DOCK8: variants seen among roughly 807,000 people sequenced by gnomAD.
DOCK8 encodes dedicator of cytokinesis protein 8.
DOCK8 carries 141 observed loss-of-function variants against 245.6 expected under a neutral mutation model. That is an observed-to-expected ratio of 0.57 (90% CI 0.50 to 0.66). The LOEUF (loss-of-function observed/expected upper bound fraction) is 0.66. Among genes scored for constraint, DOCK8 ranks in the 30% least tolerant of loss-of-function variants. DOCK8 has a pLI of 0.00. For missense variants in DOCK8, 2,965 were observed against 2,603.4 expected, an observed-to-expected ratio of 1.14 and a Z score of -3.02; for synonymous variants, 1,168 against 970.2, an observed-to-expected ratio of 1.20 and a Z score of -3.79.
chr9:310,488 C>T (rs552091819), intron 5 of DOCK8, among the ~76,000 whole-genome samples: 31 of 152,288 alleles, frequency 2.0e-4, no homozygotes, highest in East Asian at 9.7e-4. Flanking sequence ...GACGGAGTCT[C>T]GCTCTTGTTG....
At chr9:306,694 G>C (rs1390802009) in intron 5 of DOCK8, among the ~76,000 whole-genome samples, 2 of 152,172 alleles carry the variant, frequency 1.3e-5, no homozygotes, top group South Asian at 2.1e-4. Flanking sequence ...CTGTCTGCTG[G>C]AATTTCTGAT....
intron 21 of DOCK8, among the ~76,000 whole-genome samples, chr9:382,255 G>T (rs562716472): frequency 2.0e-5 from 3 of 152,304 alleles, no homozygotes; most frequent in East Asian, 1.9e-4. Context: ...ACTGGAGCCA[G>T]TAGTACCCCC....
In DOCK8 at chr9:420,465, G is replaced by T; in HGVS notation, c.3905G>T (p.Trp1302Leu). ...CGCAACCTCATGATCTGCTTCCTCTGGATCATGAAAAATGCTGATCAGAGC... is the reference window on the plus strand; with the variant it reads ...CGCAACCTCATGATCTGCTTCCTCTTGATCATGAAAAATGCTGATCAGAGC... ...TTRNLMICFL[W>L]IMKNADQSLI... The change falls in exon 31 of 48, where the codon TGG (tryptophan) becomes TTG (leucine). Residue 1302 changes from tryptophan to leucine, a missense_variant. Physicochemically the swap from Trp to Leu is moderately conservative, Grantham distance 61. Transcript: ENST00000432829. 1 of 1,614,118 alleles carries T rather than the reference G, an allele frequency of 6.2e-7. No homozygotes were observed. Among genetic ancestry groups the T allele is most frequent in the Non-Finnish European group, 8.5e-7 (1 of 1,180,030 alleles).
intron 46 of DOCK8, among the ~76,000 whole-genome samples, chr9:463,112 C>T (rs963221265): frequency 1.2e-4 from 19 of 152,054 alleles, no homozygotes; most frequent in African/African-American, 4.6e-4. Flanking sequence ...CATTTCTGGG[C>T]CAGAAGCAAT....
At chr9:312,812 A>G (rs1336061078) in intron 6 of DOCK8, 1 of 303,372 alleles carries the variant, frequency 3.3e-6, no homozygotes, top group Non-Finnish European at 6.3e-6. Context: ...TGTCTGTTTG[A>G]ACTCCTTATA....
At chr9:317,450 C>G (rs752385043) in intron 7 of DOCK8, among the ~76,000 whole-genome samples, 1 of 152,164 alleles carries the variant, frequency 6.6e-6, no homozygotes, top group Non-Finnish European at 1.5e-5. Context: ...GTCGACTGTA[C>G]TAACTCGTGA....
At chr9:377,304 A>C in intron 20 of DOCK8, 93 bp downstream of exon 20, 1 of 1,258,116 alleles carries the variant, frequency 7.9e-7, no homozygotes, top group Non-Finnish European at 1.1e-6. Flanking sequence ...TCCAGAGACA[A>C]TGTGATCTTC....
At chr9:345,938 C>T (rs1431804190) in intron 14 of DOCK8, among the ~76,000 whole-genome samples, 2 of 151,940 alleles carry the variant, frequency 1.3e-5, no homozygotes, top group African/African-American at 4.8e-5. Context: ...AAAATAAATC[C>T]TTGCTCTAAC....
At chr9:271,935 T>C (rs971189956) in intron 2 of DOCK8, among the ~76,000 whole-genome samples, 4 of 152,174 alleles carry the variant, frequency 2.6e-5, no homozygotes, top group Non-Finnish European at 5.9e-5. Context: ...ATAGAACCTC[T>C]GGGAGCTGTG....
intron 40 of DOCK8, among the ~76,000 whole-genome samples, chr9:440,133 C>G (rs2057046258): frequency 6.6e-6 from 1 of 152,164 alleles, no homozygotes; most frequent in Admixed American, 6.5e-5. Context: ...ACTCTCCTGC[C>G]TCAGCCTCAT....
At chr9:339,724 C>T (rs2051488573) in intron 13 of DOCK8, among the ~76,000 whole-genome samples, 1 of 152,156 alleles carries the variant, frequency 6.6e-6, no homozygotes, top group African/African-American at 2.4e-5. Flanking sequence ...CCATGTTGGC[C>T]AGGATTGTCT....
intron 10 of DOCK8, among the ~76,000 whole-genome samples, chr9:332,966 A>AT (rs1035660160): frequency 1.9e-4 from 29 of 151,906 alleles, no homozygotes; most frequent in African/African-American, 6.5e-4. Flanking sequence ...CCTGATGATG[A>AT]TTTTTTAGAG....
chr9:226,528 A>G (rs2131357246), intron 1 of DOCK8, among the ~76,000 whole-genome samples: 1 of 152,320 alleles, frequency 6.6e-6, no homozygotes, highest in South Asian at 2.1e-4. Flanking sequence ...TGGCAAAACT[A>G]GAGAGCAGAG....
intron 1 of DOCK8, among the ~76,000 whole-genome samples, chr9:240,578 A>G (rs589269): frequency 6.6e-6 from 1 of 152,142 alleles, no homozygotes; most frequent in African/African-American, 2.4e-5. Flanking sequence ...TTAATGTATT[A>G]TGGACAATTT....
chr9:343,449 C>T (rs2051710872), intron 14 of DOCK8, among the ~76,000 whole-genome samples: 1 of 151,574 alleles, frequency 6.6e-6, no homozygotes, highest in East Asian at 1.9e-4. Flanking sequence ...TGTGCCACTG[C>T]TCTCCAAATC....
chr9:400,150 A>ACCACCAGCATCT (rs2054761116), intron 26 of DOCK8, among the ~76,000 whole-genome samples: 1 of 47,240 alleles, frequency 2.1e-5, no homozygotes, highest in Non-Finnish European at 3.7e-5. Flanking sequence ...CACCTCCACC[A>ACCACCAGCATCT]TCACCACCAC....
chr9:390,700 C>T (rs2054153451), intron 24 of DOCK8, 134 bp downstream of exon 24: 3 of 785,908 alleles, frequency 3.8e-6, no homozygotes, highest in South Asian at 1.5e-5. Context: ...AATAATCTCT[C>T]ACCCCTCCCA....
chr9:216,991 A>T (rs570462289), intron 1 of DOCK8, among the ~76,000 whole-genome samples: 3 of 152,264 alleles, frequency 2.0e-5, no homozygotes, highest in African/African-American at 4.8e-5. Flanking sequence ...TGGTTTCTTT[A>T]TGTGCCAAGT....
At chr9:313,839 A>G (rs140857028) in intron 6 of DOCK8, among the ~76,000 whole-genome samples, 372 of 152,406 alleles carry the variant, frequency 2.4e-3, no homozygotes, top group Admixed American at 5.2e-3. Flanking sequence ...CAATGTATGC[A>G]TAGATCAAAA....
Sources: gnomAD v4.1 joint callset for allele counts (sites outside exome capture counted in the v4.1 genomes callset) on GRCh38, gnomAD v4.1.1 for gene constraint, MANE v1.5 for transcripts, NCBI Gene and HGNC (gene_info 2026-07-23, HGNC 2026-07-21) for gene names.